The following RBFOX1 variants were observed in gnomAD, a reference collection of about 807,000 sequenced individuals.
RBFOX1 encodes the protein RNA binding fox-1 homolog 1.
Under a neutral mutation model 57.7 loss-of-function variants are expected in RBFOX1, and 8 were observed. The ratio of observed to expected loss-of-function variants is 0.14; its 90% confidence interval spans 0.08 to 0.25. The LOEUF (loss-of-function observed/expected upper bound fraction) is 0.25, where lower values mean the gene tolerates loss of function less well. RBFOX1 is among the 10% of genes least tolerant of loss of function. The probability of loss-of-function intolerance (pLI) is 1.00; values close to 1 mark genes in which losing one functional copy is unlikely to be tolerated. For synonymous variants in RBFOX1, 326 were observed against 222.4 expected (o/e 1.47, Z -4.15); for missense variants, 611 against 548.5 (o/e 1.11, Z -1.14).
intron 5 of RBFOX1, among the ~76,000 whole-genome samples, chr16:7,578,493 G>A (rs2093502941): frequency 6.6e-6 from 1 of 152,190 alleles, no homozygotes; most frequent in Non-Finnish European, 1.5e-5. Context: ...GTACATACCA[G>A]GGCTGATGAG....
Position 7,282,508 on chromosome 16 carries a change from C to G in RBFOX1, c.27+230410C>G, listed in dbSNP as rs985859650. Among the ~76,000 whole-genome samples, 18 of 151,900 alleles carry G rather than the reference C, an allele frequency of 1.2e-4. No individual in the cohort carries two copies. The East Asian group carries it at 3.3e-3, about 28-fold the overall frequency. The stretch of plus-strand genomic sequence containing the variant: ...GGTGGATTTTCTGCTGCCTTTTGCT[C>G]TTGCACCCTCTCCCTGGAGCCTTCT... On this transcript the variant is annotated intron_variant, in intron 4 of 15. Coordinates refer to ENST00000550418, the MANE Select transcript of RBFOX1 (RefSeq NM_018723.4).
At chr16:5,854,187 G>T (rs984963932) in intron 3 of RBFOX1, among the ~76,000 whole-genome samples, 1 of 152,116 alleles carries the variant, frequency 6.6e-6, no homozygotes, top group East Asian at 1.9e-4. Flanking sequence ...AGTGTGCCTG[G>T]TGAGAACACG....
chr16:7,354,905 T>A (rs1419925912), intron 4 of RBFOX1, among the ~76,000 whole-genome samples: 1 of 152,230 alleles, frequency 6.6e-6, no homozygotes, highest in African/African-American at 2.4e-5. Flanking sequence ...TTAAATTAAT[T>A]GTATTGCTAT....
At chr16:7,074,252 A>G (rs1223903653) in intron 4 of RBFOX1, among the ~76,000 whole-genome samples, 1 of 152,254 alleles carries the variant, frequency 6.6e-6, no homozygotes, top group Non-Finnish European at 1.5e-5. Context: ...GTTTATAGGA[A>G]AAGATGGACA....
intron 3 of RBFOX1, among the ~76,000 whole-genome samples, chr16:5,835,555 A>C (rs2056430754): frequency 6.6e-6 from 1 of 152,176 alleles, no homozygotes; most frequent in Admixed American, 6.5e-5. Context: ...CTGAATCAGC[A>C]TCTTCAGGGG....
At chr16:6,851,173 A>G (rs546379812) in intron 3 of RBFOX1, among the ~76,000 whole-genome samples, 2 of 152,368 alleles carry the variant, frequency 1.3e-5, no homozygotes, top group Non-Finnish European at 2.9e-5. Context: ...AATCATTTTT[A>G]TGTATCTAAA....
intron 3 of RBFOX1, among the ~76,000 whole-genome samples, chr16:6,903,564 G>A (rs768819240): frequency 6.6e-6 from 1 of 152,168 alleles, no homozygotes; most frequent in African/African-American, 2.4e-5. Context: ...TTCCAGAAAG[G>A]TGCCCCGCAA....
intron 3 of RBFOX1, among the ~76,000 whole-genome samples, chr16:6,723,204 T>C (rs1306097314): frequency 6.6e-6 from 1 of 152,156 alleles, no homozygotes; most frequent in Non-Finnish European, 1.5e-5. Context: ...AGTGTGGGCA[T>C]TGGGGTTTAC....
intron 4 of RBFOX1, among the ~76,000 whole-genome samples, chr16:7,505,134 T>A (rs944307304): frequency 6.6e-6 from 1 of 151,782 alleles, no homozygotes; most frequent in Admixed American, 6.6e-5. Context: ...TTGGGATTCA[T>A]TTTTTATTCA....
chr16:7,412,596 G>A (rs6500958), intron 4 of RBFOX1, among the ~76,000 whole-genome samples: 135,878 of 152,252 alleles, frequency 0.89, 60,709 homozygotes, highest in South Asian at 0.95. Flanking sequence ...TCTAGATTTC[G>A]TGTTTATAGC....
At chr16:6,594,983 T>G (rs970031541) in intron 2 of RBFOX1, among the ~76,000 whole-genome samples, 1 of 152,096 alleles carries the variant, frequency 6.6e-6, no homozygotes, top group Non-Finnish European at 1.5e-5. Context: ...GAGACAAGGT[T>G]TCACCGTGTT....
At chr16:7,115,617 G>A (rs1008813250) in intron 4 of RBFOX1, among the ~76,000 whole-genome samples, 12 of 152,310 alleles carry the variant, frequency 7.9e-5, no homozygotes, top group South Asian at 4.1e-4. Flanking sequence ...CTGGAAAGGT[G>A]TCTTGGGACA....
intron 2 of RBFOX1, among the ~76,000 whole-genome samples, chr16:5,487,143 A>G (rs1395364936): frequency 6.6e-6 from 1 of 152,142 alleles, no homozygotes; most frequent in Non-Finnish European, 1.5e-5. Flanking sequence ...TCCACCCCCT[A>G]TTCTGTGCTA....
intron 2 of RBFOX1, among the ~76,000 whole-genome samples, chr16:6,472,958 G>T (rs2095212853): frequency 6.6e-6 from 1 of 152,072 alleles, no homozygotes; most frequent in Non-Finnish European, 1.5e-5. Flanking sequence ...AGGAAGAATT[G>T]TTGTAAGGAA....
chr16:7,442,106 C>T (rs1471935143), intron 4 of RBFOX1, among the ~76,000 whole-genome samples: 1 of 152,146 alleles, frequency 6.6e-6, no homozygotes, highest in Non-Finnish European at 1.5e-5. Flanking sequence ...GCTCAGCCTC[C>T]AGGTGCCCAG....
chr16:5,445,336 C>T (rs1460767208), intron 1 of RBFOX1, among the ~76,000 whole-genome samples: 5 of 152,116 alleles, frequency 3.3e-5, no homozygotes, highest in Non-Finnish European at 5.9e-5. Context: ...TTGAATGTTC[C>T]ATGTTCTACA....
intron 3 of RBFOX1, among the ~76,000 whole-genome samples, chr16:6,870,769 T>A (rs1453804756): frequency 1.3e-5 from 2 of 152,178 alleles, no homozygotes; most frequent in Non-Finnish European, 2.9e-5. Flanking sequence ...CTCAACAAAC[T>A]AAACAACTGT....
At chr16:5,324,353 C>G (rs890365701) in intron 1 of RBFOX1, among the ~76,000 whole-genome samples, 2 of 152,188 alleles carry the variant, frequency 1.3e-5, no homozygotes, top group Non-Finnish European at 2.9e-5. Context: ...ATCCCAGCTA[C>G]TCAGGAGGCT....
chr16:7,176,603 A>G (rs2081703426), intron 4 of RBFOX1, among the ~76,000 whole-genome samples: 1 of 152,198 alleles, frequency 6.6e-6, no homozygotes, highest in Non-Finnish European at 1.5e-5. Context: ...AACGACACAG[A>G]TGATTAGTGA....
Sources: gnomAD v4.1 joint callset for allele counts (sites outside exome capture counted in the v4.1 genomes callset) on GRCh38, gnomAD v4.1.1 for gene constraint, MANE v1.5 for transcripts, NCBI Gene and HGNC (gene_info 2026-07-23, HGNC 2026-07-21) for gene names.